The following ACBD6 variants were observed in gnomAD, a reference collection of about 807,000 sequenced individuals.
ACBD6 encodes acyl-CoA-binding domain-containing protein 6.
A neutral mutation model predicts 37.2 loss-of-function variants in ACBD6; 28 were observed. That is an observed-to-expected ratio of 0.75 (90% confidence interval 0.56 to 1.03). The LOEUF is 1.03. Among genes scored for constraint, ACBD6 ranks in the 50% least tolerant of loss-of-function variants. ACBD6 has a pLI of 0.00. For synonymous variants in ACBD6, 113 were observed against 126.8 expected, an observed-to-expected ratio of 0.89 and a Z score of 0.73; for missense variants, 340 against 337.4, an observed-to-expected ratio of 1.01 and a Z score of -0.06.
intron 5 of ACBD6, among the ~76,000 whole-genome samples, chr1:180,400,732 CAG>C (rs1647316795): frequency 6.6e-6 from 1 of 152,122 alleles, no homozygotes; most frequent in Non-Finnish European, 1.5e-5. Flanking sequence ...CAGTAATTTG[CAG>C]AGATGCTATC....
At chr1:180,294,856 T>G (rs926526413) in intron 7 of ACBD6, among the ~76,000 whole-genome samples, 5 of 152,020 alleles carry the variant, frequency 3.3e-5, no homozygotes, top group Admixed American at 3.3e-4. Context: ...CAACTATGCC[T>G]GGCATGTTTT....
rs1363394141 is a variant in ACBD6, at chr1:180,271,916, A to G, written c.*1309T>C. 2 of 1,613,442 alleles carry G rather than the reference A, an allele frequency of 1.2e-6. No homozygotes were observed. The highest frequency in any genetic ancestry group is 8.5e-7 in the Non-Finnish European group (1 of 1,179,924). On this transcript the variant is annotated 3_prime_UTR_variant, in exon 14 of 14. Transcript: ENST00000642319. ...GCACCGCTGGGGGCAGTTCTATAAG[A>G]GCGTCAAGAGGAGCCGGGGCAGCAG... is the stretch of plus-strand genomic sequence containing the variant.
intron 6 of ACBD6, among the ~76,000 whole-genome samples, chr1:180,389,619 C>T (rs944267714): frequency 3.3e-4 from 50 of 152,364 alleles, no homozygotes; most frequent in African/African-American, 1.1e-3. Context: ...GTCCCACCAA[C>T]AGTGTAAAAG....
At chr1:180,302,285 T>A (rs1203350410) in intron 7 of ACBD6, among the ~76,000 whole-genome samples, 1 of 152,144 alleles carries the variant, frequency 6.6e-6, no homozygotes, top group East Asian at 1.9e-4. Context: ...TTTTCCTTAA[T>A]TTTTTGATAT....
chr1:180,307,666 A>T (rs1650433724), intron 7 of ACBD6, among the ~76,000 whole-genome samples: 1 of 152,160 alleles, frequency 6.6e-6, no homozygotes. Flanking sequence ...TAAAAATAAA[A>T]AAATTAGGCT....
At chr1:180,457,864 C>A (rs1158095033) in intron 3 of ACBD6, among the ~76,000 whole-genome samples, 3 of 150,972 alleles carry the variant, frequency 2.0e-5, no homozygotes, top group African/African-American at 7.3e-5. Flanking sequence ...ACGATCTCAG[C>A]TCACTGCAAC....
intron 3 of ACBD6, among the ~76,000 whole-genome samples, chr1:180,450,124 G>C (rs955210676): frequency 1.3e-5 from 2 of 151,956 alleles, no homozygotes; most frequent in Non-Finnish European, 2.9e-5. Flanking sequence ...ATAACAGAAT[G>C]TATAAAAAAA....
chr1:180,465,503 A>C (rs1650314660), intron 3 of ACBD6, among the ~76,000 whole-genome samples: 1 of 152,156 alleles, frequency 6.6e-6, no homozygotes, highest in Non-Finnish European at 1.5e-5. Context: ...TGAAAAACTC[A>C]AACAAAATCA....
chr1:180,446,687 T>C (rs1300809555), intron 3 of ACBD6, among the ~76,000 whole-genome samples: 1 of 152,188 alleles, frequency 6.6e-6, no homozygotes, highest in African/African-American at 2.4e-5. Flanking sequence ...TTTTAACCTG[T>C]TTCTCTTAAA....
intron 6 of ACBD6, among the ~76,000 whole-genome samples, chr1:180,386,190 A>G (rs1172734195): frequency 2.0e-5 from 3 of 152,172 alleles, no homozygotes; most frequent in East Asian, 1.9e-4. Flanking sequence ...CAAAAACCGC[A>G]TTCAGTAGTT....
intron 3 of ACBD6, among the ~76,000 whole-genome samples, chr1:180,439,753 G>C (rs1409903393): frequency 6.6e-6 from 1 of 152,114 alleles, no homozygotes; most frequent in Non-Finnish European, 1.5e-5. Flanking sequence ...TCCAGTTTTG[G>C]GGATGGCAGT....
intron 5 of ACBD6, among the ~76,000 whole-genome samples, chr1:180,398,177 T>C (rs1318760985): frequency 6.6e-6 from 1 of 152,184 alleles, no homozygotes; most frequent in Non-Finnish European, 1.5e-5. Context: ...TCAGTTCACT[T>C]ACAGAGTGGA....
At chr1:180,275,845 G>C (rs1025143576) in intron 9 of ACBD6, 2 of 152,274 alleles carry the variant, frequency 1.3e-5, no homozygotes, top group African/African-American at 4.8e-5. Flanking sequence ...TCTGGCCAGT[G>C]GTGGTGCAGG....
chr1:180,422,913 T>C (rs764232091), intron 4 of ACBD6, among the ~76,000 whole-genome samples: 1 of 152,228 alleles, frequency 6.6e-6, no homozygotes, highest in Non-Finnish European at 1.5e-5. Flanking sequence ...TGCAGTAGTA[T>C]AGTATGTACT....
At chr1:180,380,975 T>C (rs1174546702) in intron 6 of ACBD6, among the ~76,000 whole-genome samples, 2 of 151,956 alleles carry the variant, frequency 1.3e-5, no homozygotes, top group Non-Finnish European at 2.9e-5. Flanking sequence ...TACGAGAAAC[T>C]CATCTCACCT....
chr1:180,319,649 C>T (rs1416712802), intron 6 of ACBD6, among the ~76,000 whole-genome samples: 1 of 152,128 alleles, frequency 6.6e-6, no homozygotes, highest in Non-Finnish European at 1.5e-5. Flanking sequence ...CTCCCCTATA[C>T]CCCTGCAACC....
At chr1:180,501,905 CA>C (rs5779061) in intron 1 of ACBD6, 139 bp downstream of exon 1, 134,910 of 604,402 alleles carry the variant, frequency 0.22, 11,949 homozygotes, top group African/African-American at 0.64. Context: ...AGCAGATGGT[CA>C]AAAAAAAAAA....
chr1:180,271,733 T>A (rs1351202192), exon 14 of ACBD6: 2 of 1,394,774 alleles, frequency 1.4e-6, no homozygotes, highest in African/African-American at 2.8e-5. Context: ...CTGTGCTCCA[T>A]TCAGGCTTCA....
chr1:180,308,365 A>G (rs999057497), intron 7 of ACBD6, among the ~76,000 whole-genome samples: 6 of 152,216 alleles, frequency 3.9e-5, no homozygotes, highest in Admixed American at 1.3e-4. Flanking sequence ...GAACAATATT[A>G]TTCTCAGTGG....
Sources: allele counts gnomAD v4.1 joint callset (sites outside exome capture counted in the v4.1 genomes callset), GRCh38; gene constraint gnomAD v4.1.1; transcripts MANE v1.5; gene names NCBI Gene and HGNC (gene_info 2026-07-23, HGNC 2026-07-21).